The following DOCK11 variants were observed in gnomAD, a reference collection of about 807,000 sequenced individuals.
DOCK11 encodes dedicator of cytokinesis 11.
DOCK11 carries 70 observed loss-of-function variants against 169.1 expected under a neutral mutation model. The ratio of observed to expected loss-of-function variants is 0.41; its 90% confidence interval spans 0.34 to 0.51. The LOEUF (loss-of-function observed/expected upper bound fraction) is 0.51. Among genes scored for constraint, DOCK11 ranks in the 20% least tolerant of loss-of-function variants. The pLI, the probability that DOCK11 is intolerant of heterozygous loss-of-function variation, is 0.10. For synonymous variants in DOCK11, 529 were observed against 541.3 expected (o/e 0.98, Z 0.32); for missense variants, 1,166 against 1,538.8 (o/e 0.76, Z 4.05).
chrX:118,677,524 T>G (rs1290568774), intron 48 of DOCK11, among the ~76,000 whole-genome samples: 1 of 112,271 alleles, frequency 8.9e-6, no homozygotes, highest in Non-Finnish European at 1.9e-5. Flanking sequence ...TGATATTTAC[T>G]GAGTGACTAT....
intron 44 of DOCK11, among the ~76,000 whole-genome samples, chrX:118,655,603 A>G (rs916351359): frequency 1.8e-5 from 2 of 111,846 alleles, no homozygotes; most frequent in African/African-American, 6.5e-5. Flanking sequence ...TAAGATTCCT[A>G]ATTCAGGAAA....
intron 18 of DOCK11, among the ~76,000 whole-genome samples, chrX:118,589,428 A>G (rs1250426982): frequency 1.8e-5 from 2 of 111,449 alleles, no homozygotes; most frequent in Non-Finnish European, 3.8e-5. Context: ...AGAGTTGGAT[A>G]TTCACTTATA....
chrX:118,545,069 T>G (rs1411589894), intron 4 of DOCK11, among the ~76,000 whole-genome samples: 2 of 110,304 alleles, frequency 1.8e-5, no homozygotes, highest in African/African-American at 3.3e-5. Flanking sequence ...GTTTCTGGGC[T>G]TAGTTATGTC....
At chrX:118,603,536 C>A (rs1163705844) in intron 23 of DOCK11, among the ~76,000 whole-genome samples, 1 of 112,023 alleles carries the variant, frequency 8.9e-6, no homozygotes, top group East Asian at 2.8e-4. Context: ...ACCAGACATT[C>A]CCTACCCACT....
At chrX:118,597,985 A>G (rs1208157534) in intron 21 of DOCK11, 45 bp from the exon 22 acceptor site, 2 of 988,665 alleles carry the variant, frequency 2.0e-6, no homozygotes, top group East Asian at 3.1e-5. Flanking sequence ...TATGTTATTC[A>G]TCTATCCATT....
chrX:118,639,534 T>G lies in DOCK11; in HGVS notation c.4101T>G (p.Leu1367=), dbSNP rs1382721584. 6.6e-6 allele frequency: 8 copies of G among 1,209,218 alleles called. No homozygotes were observed. Among genetic ancestry groups the G allele is most frequent in the Admixed American group, 2.2e-5 (1 of 45,704 alleles). Reference sequence around the variant, plus strand: ...GATCAGGAGTAATGCAGGCCCGGCTTCAGCATCTTAGTAGCCTAGAAAGTT... The same window carrying G: ...GATCAGGAGTAATGCAGGCCCGGCTGCAGCATCTTAGTAGCCTAGAAAGTT... ...RNRSGVMQAR[L]QHLSSLESSF... Residue 1367 remains leucine (L), a synonymous_variant, in exon 38 of 53, where the codon CTT becomes CTG. Coordinates refer to ENST00000276202, the MANE Select transcript of DOCK11 (RefSeq NM_144658.4).
intron 16 of DOCK11, 104 bp downstream of exon 16, chrX:118,585,221 G>A: frequency 1.4e-6 from 1 of 719,178 alleles, no homozygotes; most frequent in Non-Finnish European, 2.1e-6. Flanking sequence ...AGTTTCCCAG[G>A]GTTGCCATAG....
intron 42 of DOCK11, among the ~76,000 whole-genome samples, chrX:118,653,247 G>C (rs1165357771): frequency 9.0e-6 from 1 of 111,419 alleles, no homozygotes; most frequent in Non-Finnish European, 1.9e-5. Context: ...AAATGACTTA[G>C]TTTTATTCTG....
At chrX:118,583,358 C>T (rs1432684288) in intron 14 of DOCK11, among the ~76,000 whole-genome samples, 1 of 110,256 alleles carries the variant, frequency 9.1e-6, no homozygotes, top group East Asian at 2.8e-4. Context: ...CAGCAAACCA[C>T]CATGGCACAT....
intron 46 of DOCK11, among the ~76,000 whole-genome samples, chrX:118,675,636 G>C (rs1032749593): frequency 1.8e-5 from 2 of 109,644 alleles, no homozygotes; most frequent in African/African-American, 6.6e-5. Context: ...AGCAAACCAC[G>C]ATGACACACA....
At position 118,593,264 on chromosome X, in the gene DOCK11, C is replaced by T. The variant is rs1046256077; in HGVS notation, c.2190C>T (p.Phe730=). 3 of 1,203,795 alleles carry T rather than the reference C, an allele frequency of 2.5e-6. No homozygotes were observed. The highest frequency in any genetic ancestry group is 1.8e-5 in the South Asian group (1 of 55,310). The part of the protein sequence containing the change: ...IHLHQKHHLL[F]TFYHVSCEIN... ...TACATCAAAAACATCATTTGCTTTTCACTTTTTATCATGTAAGTTGTGAAA... is the reference window on the plus strand; with the variant it reads ...TACATCAAAAACATCATTTGCTTTTTACTTTTTATCATGTAAGTTGTGAAA... The change falls in exon 20 of 53, where the codon TTC becomes TTT. Residue 730 remains phenylalanine, a synonymous_variant. Coordinates refer to ENST00000276202, the MANE Select transcript of DOCK11 (RefSeq NM_144658.4).
intron 40 of DOCK11, among the ~76,000 whole-genome samples, chrX:118,644,056 C>T (rs140019051): frequency 0.026 from 2,875 of 111,443 alleles, 85 homozygotes; most frequent in African/African-American, 0.088. Flanking sequence ...TCAATGCTAG[C>T]CATAACTGAG....
chrX:118,615,560 C>T (rs1485042258), intron 29 of DOCK11, 40 bp from the exon 30 acceptor site: 3 of 1,040,216 alleles, frequency 2.9e-6, no homozygotes, highest in Admixed American at 2.4e-5. Context: ...TAGCAAATGC[C>T]TACTAAATAT....
Position 118,681,704 on chromosome X carries a change from G to C in DOCK11, c.5873G>C (p.Gly1958Ala). The change falls in exon 51 of 53, where the codon GGT becomes GCT. Residue 1958 changes from glycine to alanine, a missense_variant. Gly to Ala is a moderately conservative substitution (Grantham distance 60, BLOSUM62 0). Coordinates refer to ENST00000276202, the MANE Select transcript of DOCK11 (RefSeq NM_144658.4). ...QGCVSVQVNA[G>A]PLAYARAFLN... ...TCTATTGTGATATAGGTCAATGCTG[G>C]TCCATTAGCATATGCAAGAGCTTTC... 8.3e-7 allele frequency: 1 copy of C among 1,198,128 alleles called. No individual in the cohort carries two copies. Among genetic ancestry groups the C allele is most frequent in the Non-Finnish European group, 1.1e-6 (1 of 888,311 alleles).
At position 118,573,903 on chromosome X, in the gene DOCK11, G is replaced by A. The variant is rs747117155; in HGVS notation, c.1274G>A (p.Arg425His). The change falls in exon 12 of 53, where the codon CGT becomes CAT. Residue 425 changes from arginine (R) to histidine (H), a missense_variant. Coordinates refer to ENST00000276202, the MANE Select transcript of DOCK11 (RefSeq NM_144658.4). ...FHVDLNPPSV[R>H]EMLWGSSTQL... ...GTAGACCTGAATCCCCCATCTGTCC[G>A]TGAAATGCTGTGGGGCTCTTCAACC... 5.8e-6 allele frequency: 7 copies of A among 1,209,298 alleles called. No homozygotes were observed. The highest frequency in any genetic ancestry group is 5.9e-5 in the East Asian group (2 of 33,773).
intron 35 of DOCK11, among the ~76,000 whole-genome samples, chrX:118,635,733 G>A (rs5910399): frequency 0.021 from 2,290 of 110,839 alleles, 27 homozygotes; most frequent in Non-Finnish European, 0.03. Context: ...GATTATAGGC[G>A]CTGGCCACCA....
At chrX:118,615,532 T>A (rs2014788026) in intron 29 of DOCK11, 68 bp from the exon 30 acceptor site, 1 of 863,011 alleles carries the variant, frequency 1.2e-6, no homozygotes, top group African/African-American at 2.0e-5. Flanking sequence ...AATAATGCGC[T>A]GTATTAAATT....
At chrX:118,497,270 T>C (rs1054639486) in intron 1 of DOCK11, among the ~76,000 whole-genome samples, 1 of 110,918 alleles carries the variant, frequency 9.0e-6, no homozygotes, top group African/African-American at 3.3e-5. Context: ...AATTTTTCTG[T>C]TGATCTTGTA....
intron 1 of DOCK11, among the ~76,000 whole-genome samples, chrX:118,527,797 C>G: frequency 8.9e-6 from 1 of 111,785 alleles, no homozygotes; most frequent in South Asian, 3.7e-4. Flanking sequence ...CCACACACTC[C>G]TTTGAGATTC....
Sources: gnomAD v4.1 joint callset for allele counts (sites outside exome capture counted in the v4.1 genomes callset) on GRCh38, gnomAD v4.1.1 for gene constraint, MANE v1.5 for transcripts, NCBI Gene and HGNC (gene_info 2026-07-23, HGNC 2026-07-21) for gene names.